The following HCN1 variants were observed in gnomAD, a reference collection of about 807,000 sequenced individuals.
HCN1 encodes potassium/sodium hyperpolarization-activated cyclic nucleotide-gated channel 1.
HCN1 carries 13 observed loss-of-function variants against 78.9 expected under a neutral mutation model. That is an observed-to-expected ratio of 0.16 (90% CI 0.11 to 0.26). The LOEUF is 0.26. Ranked by LOEUF, HCN1 falls within the 10% of genes least tolerant of loss-of-function variation. The probability of loss-of-function intolerance (pLI) is 1.00; values close to 1 mark genes in which losing one functional copy is unlikely to be tolerated. For synonymous variants in HCN1, 552 were observed against 455.5 expected (o/e 1.21, Z -2.70); for missense variants, 810 against 1,154.3 (o/e 0.70, Z 4.32).
chr5:45,314,408 A>T (rs1164559796), intron 5 of HCN1, among the ~76,000 whole-genome samples: 1 of 152,230 alleles, frequency 6.6e-6, no homozygotes, highest in East Asian at 1.9e-4. Flanking sequence ...TTGCAAAAAC[A>T]TGCCACATTG....
Position 45,645,311 on chromosome 5 carries a change from T to C in HCN1, c.723A>G (p.Lys241=), listed in dbSNP as rs766087200. ...TCTTGTAAACTTCAGAATCCATTCC[T>C]TTTTCTACAATAAGAAAGATATAAT... ...PVDYIFLIVE[K]GMDSEVYKTA... is the part of the protein sequence containing the mutation. Residue 241 remains lysine (K), a synonymous_variant, in exon 2 of 8, where the codon AAA becomes AAG. Transcript: ENST00000303230. 1.9e-6 allele frequency: 3 copies of C among 1,613,526 alleles called. No homozygotes were observed. In the East Asian group the frequency reaches 6.7e-5, roughly 36 times the overall value.
chr5:45,454,688 A>G (rs1740988928), intron 3 of HCN1, among the ~76,000 whole-genome samples: 1 of 152,124 alleles, frequency 6.6e-6, no homozygotes, highest in African/African-American at 2.4e-5. Context: ...TACTTTGGCT[A>G]TATTATGTCA....
Position 45,645,205 on chromosome 5 carries a change from A to G in HCN1, c.829T>C (p.Tyr277His). 2 of 1,612,696 alleles carry G rather than the reference A, an allele frequency of 1.2e-6. No homozygotes were observed. Among genetic ancestry groups the G allele is most frequent in the Non-Finnish European group, 1.7e-6 (2 of 1,179,108 alleles). ...RLLRLSRLIR[Y>H]IHQWEEIFHM... Reference sequence around the variant, plus strand: ...CTTACCTCTTCCCATTGATGTATGTATCTAATTAACCTTGAAAGTCGTAAT... The same window carrying G: ...CTTACCTCTTCCCATTGATGTATGTGTCTAATTAACCTTGAAAGTCGTAAT... The change falls in exon 2 of 8, where the codon TAC becomes CAC. Residue 277 changes from tyrosine (Y) to histidine (H), a missense_variant. Tyr to His is a moderately conservative substitution (Grantham distance 83). This residue lies in a region of HCN1 where 104 missense variants were observed against 402.8 expected (regional missense o/e 0.26). Transcript: ENST00000303230.
chr5:45,307,959 G>T (rs905791903), intron 5 of HCN1, among the ~76,000 whole-genome samples: 1 of 152,072 alleles, frequency 6.6e-6, no homozygotes, highest in African/African-American at 2.4e-5. Context: ...TTGGATGCTT[G>T]GCACTTCATG....
At chr5:45,288,330 C>G (rs1310677488) in intron 6 of HCN1, among the ~76,000 whole-genome samples, 1 of 152,028 alleles carries the variant, frequency 6.6e-6, no homozygotes, top group Non-Finnish European at 1.5e-5. Flanking sequence ...AAATGAAATG[C>G]AGCCCTTCTT....
intron 2 of HCN1, among the ~76,000 whole-genome samples, chr5:45,496,126 A>C (rs1286422549): frequency 6.6e-6 from 1 of 152,106 alleles, no homozygotes; most frequent in East Asian, 1.9e-4. Context: ...AAAATGAGTT[A>C]GGGAGGATTC....
rs1202722405 is a variant in HCN1 at position 45,696,143 on chromosome 5, C to A, written c.-50G>T. ...GCGCGGGCTCCAGACTCGCCGGCCG[C>A]CCGGCGCCGGAGACACGTAGCCGAG... is the stretch of plus-strand genomic sequence containing the variant. On this transcript the variant is annotated 5_prime_UTR_variant, in exon 1 of 8. Transcript: ENST00000303230. 27 of 1,229,510 alleles carry A rather than the reference C, an allele frequency of 2.2e-5. No individual in the cohort carries two copies. Among genetic ancestry groups the A allele is most frequent in the Non-Finnish European group, 9.3e-6 (9 of 967,318 alleles). 76.2% of individuals were successfully genotyped at this position (1,229,510 alleles called of 1,614,324 possible).
chr5:45,281,782 TG>T, intron 6 of HCN1, among the ~76,000 whole-genome samples: 1 of 151,594 alleles, frequency 6.6e-6, no homozygotes, highest in South Asian at 2.1e-4. Flanking sequence ...TTAGTAGAGA[TG>T]GGGTTTCACC....
chr5:45,657,192 A>G (rs1745782676), intron 1 of HCN1, among the ~76,000 whole-genome samples: 1 of 152,196 alleles, frequency 6.6e-6, no homozygotes, highest in Non-Finnish European at 1.5e-5. Context: ...CCAATCCTAC[A>G]GCATACTTTA....
chr5:45,415,395 A>G (rs2112060702), intron 3 of HCN1, among the ~76,000 whole-genome samples: 1 of 152,068 alleles, frequency 6.6e-6, no homozygotes, highest in African/African-American at 2.4e-5. Context: ...TGAGAATCAC[A>G]AAAACTTGGT....
intron 2 of HCN1, among the ~76,000 whole-genome samples, chr5:45,622,810 A>G (rs1050075028): frequency 2.6e-5 from 4 of 152,184 alleles, no homozygotes; most frequent in African/African-American, 9.6e-5. Context: ...GTCAAATTGT[A>G]TATAAGGTTA....
intron 3 of HCN1, among the ~76,000 whole-genome samples, chr5:45,453,689 C>G (rs1326368620): frequency 6.6e-6 from 1 of 152,010 alleles, no homozygotes; most frequent in Admixed American, 6.6e-5. Context: ...TGGCTTTATG[C>G]AAATGGAATA....
chr5:45,330,171 G>T (rs1237087531), intron 5 of HCN1, among the ~76,000 whole-genome samples: 1 of 151,296 alleles, frequency 6.6e-6, no homozygotes, highest in Non-Finnish European at 1.5e-5. Context: ...TCCAGACTTT[G>T]TATTTGATTA....
intron 2 of HCN1, among the ~76,000 whole-genome samples, chr5:45,464,852 T>G (rs1741235803): frequency 6.6e-6 from 1 of 152,108 alleles, no homozygotes; most frequent in Non-Finnish European, 1.5e-5. Context: ...GCTACTTCCT[T>G]ACGGAGCTCA....
intron 2 of HCN1, among the ~76,000 whole-genome samples, chr5:45,630,205 C>A (rs1415925994): frequency 6.6e-6 from 1 of 152,118 alleles, no homozygotes; most frequent in Non-Finnish European, 1.5e-5. Flanking sequence ...ATCTTACCTG[C>A]CTCTTTTCCA....
intron 2 of HCN1, among the ~76,000 whole-genome samples, chr5:45,598,496 C>T (rs1281325485): frequency 1.3e-5 from 2 of 152,170 alleles, no homozygotes; most frequent in South Asian, 2.1e-4. Context: ...CCATTCAGGA[C>T]ATACGCATGG....
chr5:45,556,374 T>C (rs1743469985), intron 2 of HCN1, among the ~76,000 whole-genome samples: 2 of 152,024 alleles, frequency 1.3e-5, no homozygotes, highest in Admixed American at 1.3e-4. Flanking sequence ...TAACATCCCA[T>C]CTTTTCTCCT....
intron 5 of HCN1, among the ~76,000 whole-genome samples, chr5:45,346,015 G>A (rs901138584): frequency 6.6e-6 from 1 of 152,224 alleles, no homozygotes; most frequent in Non-Finnish European, 1.5e-5. Context: ...TACAAGCATG[G>A]CAGAAGGGGA....
At chr5:45,652,826 C>T (rs377390127) in intron 1 of HCN1, among the ~76,000 whole-genome samples, 2 of 152,128 alleles carry the variant, frequency 1.3e-5, no homozygotes, top group East Asian at 1.9e-4. Context: ...CTTCTCTCTG[C>T]CCAGCTCTGG....
Sources: allele counts gnomAD v4.1 joint callset (sites outside exome capture counted in the v4.1 genomes callset), GRCh38; gene constraint gnomAD v4.1.1; regional missense constraint gnomAD v4.1.1; transcripts MANE v1.5; gene names NCBI Gene and HGNC (gene_info 2026-07-23, HGNC 2026-07-21).